Variants in RUSC2 observed in about 807,000 individuals in gnomAD.
The protein encoded by RUSC2 is AP-4 complex accessory subunit RUSC2.
A neutral mutation model predicts 122.2 loss-of-function variants in RUSC2; 34 were observed. That is an observed-to-expected ratio of 0.28 (90% confidence interval 0.21 to 0.37). RUSC2 has a LOEUF of 0.37. Among genes scored for constraint, RUSC2 ranks in the 10% least tolerant of loss-of-function variants. The probability of loss-of-function intolerance (pLI) is 1.00; values close to 1 mark genes in which losing one functional copy is unlikely to be tolerated. For missense variants in RUSC2, 1,747 were observed against 1,952.4 expected (o/e 0.89, Z 1.98); for synonymous variants, 784 against 790.0 (o/e 0.99, Z 0.13).
chr9:35,492,718 T>C (rs777251277), intron 1 of RUSC2, among the ~76,000 whole-genome samples: 4 of 152,138 alleles, frequency 2.6e-5, no homozygotes, highest in Non-Finnish European at 4.4e-5. Flanking sequence ...GTAATAATTC[T>C]TAAGTGGCAT....
Position 35,557,384 on chromosome 9 carries a change from T to G in RUSC2, c.2984-530T>G, listed in dbSNP as rs1000616324. 1.3e-5 allele frequency among the ~76,000 whole-genome samples: 2 copies of G among 152,002 alleles called. No homozygotes were observed. Among genetic ancestry groups the G allele is most frequent in the Non-Finnish European group, 2.9e-5 (2 of 67,994 alleles). On this transcript the variant is annotated intron_variant, in intron 5 of 11. Coordinates refer to ENST00000361226, the MANE Select transcript of RUSC2 (RefSeq NM_014806.5). The surrounding 1 kb of genome is among the most constrained non-coding windows in gnomAD (Gnocchi z 4.6). ...GAGGGGTGTACATATGAGATTGTTA[T>G]GGATTTTGGAGGTAGAGGGAAGTTA...
chr9:35,561,123 G>T, intron 11 of RUSC2, 26 bp downstream of exon 11: 4 of 1,613,656 alleles, frequency 2.5e-6, no homozygotes, highest in Non-Finnish European at 1.7e-6. Context: ...CGGAAGGGCT[G>T]AGGGGGGCGG....
chr9:35,498,718 G>A (rs530931725), intron 1 of RUSC2, among the ~76,000 whole-genome samples: 20 of 151,134 alleles, frequency 1.3e-4, no homozygotes, highest in East Asian at 1.2e-3. Context: ...AAAATTAGCC[G>A]GGTGTGGTGG....
chr9:35,501,732 A>G (rs1213080495), intron 1 of RUSC2, among the ~76,000 whole-genome samples: 1 of 152,176 alleles, frequency 6.6e-6, no homozygotes, highest in Non-Finnish European at 1.5e-5. Flanking sequence ...ATGTAACCAA[A>G]ATATGTGCTG....
rs578224040 is a variant in RUSC2, at chr9:35,557,852, G to A, written c.2984-62G>A. ...TTCCCTGAGGAAACCTGAGGTTTCA[G>A]CCCCAGCTGAGTTGGTTAAGGACTT... is the stretch of plus-strand genomic sequence containing the variant. On this transcript the variant is annotated intron_variant, in intron 5 of 11. Transcript: ENST00000361226. The surrounding 1 kb of genome is among the most constrained non-coding windows in gnomAD (Gnocchi z 4.6). 1.4e-6 allele frequency: 2 copies of A among 1,439,932 alleles called. No individual in the cohort carries two copies. Among genetic ancestry groups the A allele is most frequent in the East Asian group, 2.3e-5 (1 of 44,034 alleles). The allele number at this position is 1,439,932 out of a possible 1,614,324, so 89.2% of individuals were successfully genotyped here.
At chr9:35,519,994 A>G (rs955941810) in intron 1 of RUSC2, among the ~76,000 whole-genome samples, 1 of 152,238 alleles carries the variant, frequency 6.6e-6, no homozygotes, top group Non-Finnish European at 1.5e-5. Context: ...CTGAATACTC[A>G]GGACCCAGGC....
At chr9:35,552,559 GAGT>G (rs2132561453) in intron 2 of RUSC2, among the ~76,000 whole-genome samples, 1 of 152,310 alleles carries the variant, frequency 6.6e-6, no homozygotes, top group South Asian at 2.1e-4. Context: ...AACTCAGATT[GAGT>G]CAGCAGTTGG....
At chr9:35,501,361 G>C (rs1278002105) in intron 1 of RUSC2, among the ~76,000 whole-genome samples, 1 of 152,204 alleles carries the variant, frequency 6.6e-6, no homozygotes, top group Non-Finnish European at 1.5e-5. Context: ...TGAATTGCCT[G>C]AGCTCAGGAG....
intron 1 of RUSC2, among the ~76,000 whole-genome samples, chr9:35,493,550 C>G (rs34035578): frequency 2.2e-4 from 34 of 152,140 alleles, no homozygotes; most frequent in African/African-American, 8.2e-4. Context: ...ATCAACCAGG[C>G]TAGAGTGCAG....
chr9:35,539,502 C>G (rs1821600389), intron 1 of RUSC2, among the ~76,000 whole-genome samples: 1 of 152,104 alleles, frequency 6.6e-6, no homozygotes, highest in Non-Finnish European at 1.5e-5. Context: ...GGAGAACATG[C>G]AAGGATCCTC....
At chr9:35,495,193 TTATAA>T (rs1420887036) in intron 1 of RUSC2, among the ~76,000 whole-genome samples, 1 of 53,862 alleles carries the variant, frequency 1.9e-5, no homozygotes, top group Non-Finnish European at 4.3e-5. Flanking sequence ...ATATATTTTA[TTATAA>T]TATAATTTAT....
At chr9:35,527,587 T>C (rs1330249698) in intron 1 of RUSC2, among the ~76,000 whole-genome samples, 1 of 152,260 alleles carries the variant, frequency 6.6e-6, no homozygotes, top group Non-Finnish European at 1.5e-5. Flanking sequence ...TCTTTTATTT[T>C]AAAACATTTC....
chr9:35,559,368 G>T (rs1822092456), intron 9 of RUSC2, 96 bp downstream of exon 9: 14 of 1,076,600 alleles, frequency 1.3e-5, no homozygotes, highest in Non-Finnish European at 2.0e-5. Flanking sequence ...TGGAGGTGGG[G>T]AGGGGGACCA....
intron 1 of RUSC2, among the ~76,000 whole-genome samples, chr9:35,541,555 T>C (rs548961271): frequency 2.2e-3 from 330 of 152,156 alleles, no homozygotes; most frequent in South Asian, 4.0e-3. Flanking sequence ...CAAGTAATTC[T>C]CCTGCCTCAG....
intron 1 of RUSC2, among the ~76,000 whole-genome samples, chr9:35,498,410 C>T (rs530303872): frequency 1.7e-4 from 26 of 151,902 alleles, no homozygotes; most frequent in Non-Finnish European, 2.4e-4. Context: ...ATCTTGGCGC[C>T]TGCCTGTAAT....
At chr9:35,514,686 T>C (rs2132509387) in intron 1 of RUSC2, among the ~76,000 whole-genome samples, 1 of 152,260 alleles carries the variant, frequency 6.6e-6, no homozygotes, top group Non-Finnish European at 1.5e-5. Context: ...GAGGTTTTTT[T>C]CTCTCATCAG....
At chr9:35,493,914 T>C (rs1369747319) in intron 1 of RUSC2, among the ~76,000 whole-genome samples, 2 of 152,330 alleles carry the variant, frequency 1.3e-5, no homozygotes, top group East Asian at 3.9e-4. Context: ...TTGGCTATTA[T>C]GAAAAATGCT....
Position 35,547,604 on chromosome 9 carries a change from C to T in RUSC2, c.1083C>T (p.Ala361=). The change falls in exon 2 of 12, where the codon GCC becomes GCT. Residue 361 remains alanine (A), a synonymous_variant. Coordinates refer to ENST00000361226, the MANE Select transcript of RUSC2 (RefSeq NM_014806.5). This position sits in a 1 kb window ranked among gnomAD's most constrained non-coding sequence, Gnocchi z 4.6. The stretch of plus-strand genomic sequence containing the variant: ...ATGCCTCTTCTCCTGAGCTTGATGC[C>T]AACTGCAACTCCTACCGCCCACACT... ...CPHASSPELD[A]NCNSYRPHCE... is the part of the protein sequence containing the mutation. 6.2e-7 allele frequency: 1 copy of T among 1,614,170 alleles called. No homozygotes were observed. Among genetic ancestry groups the T allele is most frequent in the Non-Finnish European group, 8.5e-7 (1 of 1,180,026 alleles).
rs757031547 is a variant in RUSC2, at chr9:35,555,400, T to C, written c.2355T>C (p.Ser785=). Residue 785 remains serine, a synonymous_variant, in exon 3 of 12, where the codon AGT becomes AGC. Transcript: ENST00000361226. This position sits in a 1 kb window ranked among gnomAD's most constrained non-coding sequence, Gnocchi z 4.6. ...SPLGSYSPIR[S]VGPFGPSTDS... The stretch of plus-strand genomic sequence containing the variant: ...TGGGCAGCTACTCCCCCATCCGGAG[T>C]GTTGGCCCCTTTGGGCCCAGCACTG... 14 of 1,614,020 alleles carry C rather than the reference T, an allele frequency of 8.7e-6. No individual in the cohort carries two copies. Among genetic ancestry groups the C allele is most frequent in the African/African-American group, 1.3e-5 (1 of 74,908 alleles).
Sources: gnomAD v4.1 joint callset for allele counts (sites outside exome capture counted in the v4.1 genomes callset) on GRCh38, gnomAD v4.1.1 for gene constraint, Gnocchi (gnomAD v3.1) non-coding constraint, MANE v1.5 for transcripts, NCBI Gene and HGNC (gene_info 2026-07-23, HGNC 2026-07-21) for gene names.